The following PPP2R2D variants were observed in gnomAD, a reference collection of about 807,000 sequenced individuals.
PPP2R2D encodes the protein protein phosphatase 2 regulatory subunit Bdelta, also known as serine/threonine-protein phosphatase 2A 55 kDa regulatory subunit B delta isoform.
A neutral mutation model predicts 31.1 loss-of-function variants in PPP2R2D; 9 were observed. The ratio of observed to expected loss-of-function variants is 0.29; its 90% confidence interval spans 0.17 to 0.51. The LOEUF (loss-of-function observed/expected upper bound fraction) is 0.51. PPP2R2D is among the 20% of genes least tolerant of loss of function. The probability of loss-of-function intolerance (pLI) is 0.98; values close to 1 mark genes in which losing one functional copy is unlikely to be tolerated. For missense variants in PPP2R2D, 391 were observed against 465.6 expected (o/e 0.84, Z 1.48); for synonymous variants, 179 against 172.6 (o/e 1.04, Z -0.29).
At chr10:131,949,220 C>T (rs1554898494) in intron 8 of PPP2R2D, among the ~76,000 whole-genome samples, 2 of 152,200 alleles carry the variant, frequency 1.3e-5, no homozygotes, top group South Asian at 2.1e-4. Flanking sequence ...GGGTTCCCCA[C>T]GGGTGGACAC....
intron 3 of PPP2R2D, among the ~76,000 whole-genome samples, chr10:131,938,565 C>G (rs781898246): frequency 2.6e-5 from 4 of 152,200 alleles, no homozygotes; most frequent in Non-Finnish European, 4.4e-5. Context: ...TTTCACTCTC[C>G]CTCTAGCTTC....
chr10:131,955,935 T>A lies in PPP2R2D; in HGVS notation c.1334T>A (p.Leu445Ter). Residue 445 changes from leucine to a stop codon, truncating the protein, a stop_gained, in exon 9 of 9, where the codon TTG becomes TAG. Transcript: ENST00000455566. LOFTEE classifies it high-confidence loss of function. ...NVIAVAATNN[L>*]YIFQDKIN ...ATTGCCGTGGCTGCCACCAATAACT[T>A]GTACATATTCCAGGACAAAATCAAC... is the stretch of plus-strand genomic sequence containing the variant. 6.4e-7 allele frequency: 1 copy of A among 1,571,902 alleles called. No homozygotes were observed. The highest frequency in any genetic ancestry group is 8.7e-7 in the Non-Finnish European group (1 of 1,154,886).
At chr10:131,967,656 G>C in the PPP2R2D span, 1 of 152,638 alleles carries the variant, frequency 6.6e-6, no homozygotes, top group Admixed American at 6.5e-5. Context: ...CATGACGTCT[G>C]ATTTTAAACC....
chr10:131,910,303 C>G (rs930404714), intron 2 of PPP2R2D, among the ~76,000 whole-genome samples: 20 of 149,980 alleles, frequency 1.3e-4, no homozygotes, highest in Non-Finnish European at 1.6e-4. Flanking sequence ...GTTTTTTTTT[C>G]TAAATGTTAA....
the PPP2R2D span, chr10:131,966,549 A>G: frequency 6.6e-6 from 1 of 152,232 alleles, no homozygotes; most frequent in Admixed American, 6.5e-5. Context: ...ATCTGTCTAA[A>G]GCACTCCAGT....
chr10:131,940,334 G>A lies in PPP2R2D; in HGVS notation c.364+138G>A, dbSNP rs1329952803. On this transcript the variant is annotated intron_variant, in intron 4 of 8. Coordinates refer to ENST00000455566, the MANE Select transcript of PPP2R2D (RefSeq NM_018461.5). ...GAGGGTAAGTTATCTAGGGTAGCAAGTGATAGGTTGAAAATTCAAAGTATG... is the reference window on the plus strand; with the variant it reads ...GAGGGTAAGTTATCTAGGGTAGCAAATGATAGGTTGAAAATTCAAAGTATG... 1.0e-5 allele frequency: 6 copies of A among 579,462 alleles called. No homozygotes were observed. The African/African-American group carries it at 1.1e-4, about 11-fold the overall frequency. 35.9% of individuals were successfully genotyped at this position (579,462 alleles called of 1,614,324 possible).
intron 2 of PPP2R2D, among the ~76,000 whole-genome samples, chr10:131,919,855 A>G (rs1382963955): frequency 3.8e-5 from 5 of 130,690 alleles, no homozygotes; most frequent in East Asian, 2.8e-4. Flanking sequence ...GGGTGGAATG[A>G]CACAGTGTTT....
downstream of PPP2R2D, among the ~76,000 whole-genome samples, chr10:131,963,355 A>G (rs1261059585): frequency 3.1e-5 from 1 of 32,242 alleles, no homozygotes; most frequent in East Asian, 9.8e-4. Context: ...TACAGCGTTC[A>G]CAAGTCCCCA....
At chr10:131,952,857 C>CG (rs574762227) in intron 8 of PPP2R2D, among the ~76,000 whole-genome samples, 1 of 19,856 alleles carries the variant, frequency 5.0e-5, no homozygotes, top group African/African-American at 3.1e-4. Context: ...CAGTGACTTG[C>CG]GGGGGGGGTC....
intron 2 of PPP2R2D, among the ~76,000 whole-genome samples, chr10:131,913,996 T>G (rs1387739118): frequency 6.6e-6 from 1 of 152,280 alleles, no homozygotes; most frequent in East Asian, 1.9e-4. Flanking sequence ...CACCTACCAC[T>G]GCACCGGCAC....
At chr10:131,960,901 T>C (rs1166641594), downstream of PPP2R2D, among the ~76,000 whole-genome samples, 2 of 152,088 alleles carry the variant, frequency 1.3e-5, no homozygotes, top group African/African-American at 4.8e-5. Context: ...AGGGACAGGA[T>C]GGGCTTGCTG....
At chr10:131,903,452 A>G (rs2035533213) in intron 2 of PPP2R2D, among the ~76,000 whole-genome samples, 2 of 144,012 alleles carry the variant, frequency 1.4e-5, no homozygotes, top group East Asian at 4.1e-4. Context: ...GGACAATAGA[A>G]CAAGGCTCCA....
intron 2 of PPP2R2D, among the ~76,000 whole-genome samples, chr10:131,929,714 A>G (rs2036180261): frequency 6.6e-6 from 1 of 151,734 alleles, no homozygotes; most frequent in African/African-American, 2.4e-5. Flanking sequence ...CCTCCCCGCC[A>G]CCACCGGCAG....
At chr10:131,955,291 G>A (rs2036772850) in intron 8 of PPP2R2D, among the ~76,000 whole-genome samples, 1 of 152,210 alleles carries the variant, frequency 6.6e-6, no homozygotes, top group Non-Finnish European at 1.5e-5. Context: ...GATATGACTA[G>A]TAACTGTTGA....
rs149207687 is a variant in PPP2R2D, at chr10:131,934,345, C to T, written c.101-113C>T. ...TGCCAAGACAGTTTTGCTTTAGTCT[C>T]GGAGAAAGTTGTATATGTTTATCGT... is the stretch of plus-strand genomic sequence containing the variant. On this transcript the variant is annotated intron_variant, in intron 2 of 8. Transcript: ENST00000455566. 211 of 636,818 alleles carry T rather than the reference C, an allele frequency of 3.3e-4. No homozygotes were observed. The East Asian group carries it at 5.1e-3, about 15-fold the overall frequency. 39.4% of individuals were successfully genotyped at this position (636,818 alleles called of 1,614,324 possible).
At chr10:131,970,977 T>C in the PPP2R2D span, 1 of 1,612,126 alleles carries the variant, frequency 6.2e-7, no homozygotes, top group Admixed American at 1.7e-5. The surrounding 1 kb of genome is among the most constrained non-coding windows in gnomAD (Gnocchi z 4.1). Context: ...CAGACTAAGA[T>C]AAAGTCAATG....
Position 131,940,099 on chromosome 10 carries a change from G to A in PPP2R2D, c.267G>A (p.Glu89=). 1.3e-6 allele frequency: 1 copy of A among 779,078 alleles called. No individual in the cohort carries two copies. Among genetic ancestry groups the A allele is most frequent in the South Asian group, 1.3e-5 (1 of 74,268 alleles). 48.3% of individuals were successfully genotyped at this position (779,078 alleles called of 1,614,324 possible). Residue 89 remains glutamate, a synonymous_variant, in exon 4 of 9, where the codon GAG becomes GAA. Transcript: ENST00000455566. ...VYSTFQSHEP[E]FDYLKSLEIE... ...GCACCTTTCAAAGTCATGAACCGGAGTTTGACTATTTGAAAAGTCTAGAAA... is the reference window on the plus strand; with the variant it reads ...GCACCTTTCAAAGTCATGAACCGGAATTTGACTATTTGAAAAGTCTAGAAA...
rs543071136 is a variant in PPP2R2D at position 131,923,658 on chromosome 10, A to T, written c.101-10800A>T. 1.0e-3 allele frequency among the ~76,000 whole-genome samples: 159 copies of T among 152,068 alleles called. 1 individual carries two copies. The South Asian group carries it at 0.013, about 13-fold the overall frequency. On this transcript the variant is annotated intron_variant, in intron 2 of 8. Coordinates refer to ENST00000455566, the MANE Select transcript of PPP2R2D (RefSeq NM_018461.5). Reference sequence around the variant, plus strand: ...TGTGAACTGGTATCTGGTGGTTTTGATTTGTATTTCCCTAGTGATTAATGG... The same window carrying T: ...TGTGAACTGGTATCTGGTGGTTTTGTTTTGTATTTCCCTAGTGATTAATGG...
rs41290019 is a variant in PPP2R2D at position 131,956,398 on chromosome 10, G to A, written c.*435G>A. The A allele has an allele frequency of 2.6e-3, 2,560 of 986,030 alleles. 7 individuals are homozygous for A. The highest frequency in any genetic ancestry group is 3.7e-3 in the Middle Eastern group (7 of 1,916). 61.1% of individuals were successfully genotyped at this position (986,030 alleles called of 1,614,324 possible). ...GTGTGGCCACCGTCCGTGTCCTCTC[G>A]GCCTTCCTCCGAGTCCAGGTGGACT... On this transcript the variant is annotated 3_prime_UTR_variant, in exon 9 of 9. Transcript: ENST00000455566.
Sources: gnomAD v4.1 joint callset for allele counts (sites outside exome capture counted in the v4.1 genomes callset) on GRCh38, gnomAD v4.1.1 for gene constraint, Gnocchi (gnomAD v3.1) non-coding constraint, MANE v1.5 for transcripts, NCBI Gene and HGNC (gene_info 2026-07-23, HGNC 2026-07-21) for gene names.